Variants in TFB1M observed in about 807,000 individuals in gnomAD.
The protein encoded by TFB1M is dimethyladenosine transferase 1, mitochondrial.
In TFB1M, 27 loss-of-function variants were observed where a neutral mutation model predicts 31.1. The ratio of observed to expected loss-of-function variants is 0.87; its 90% CI spans 0.64 to 1.20. TFB1M has a LOEUF of 1.20. TFB1M is among the 50% of genes most tolerant of loss of function. TFB1M has a pLI of 0.00. For synonymous variants in TFB1M, 166 were observed against 151.8 expected, an observed-to-expected ratio of 1.09 and a Z score of -0.69; for missense variants, 394 against 418.7, an observed-to-expected ratio of 0.94 and a Z score of 0.51.
chr6:155,251,182 G>A (rs191532907), downstream of TFB1M, among the ~76,000 whole-genome samples: 18 of 152,304 alleles, frequency 1.2e-4, no homozygotes, highest in South Asian at 2.1e-4. Flanking sequence ...TTGAAACTCC[G>A]GCATCGCTCT....
At chr6:155,254,730 G>GA (rs1783892708), downstream of TFB1M, 2 of 937,138 alleles carry the variant, frequency 2.1e-6, no homozygotes, top group Non-Finnish European at 3.1e-6. Context: ...CTTGCTCCCA[G>GA]ACGTTCTACT....
At chr6:155,290,580 T>A (rs1776872086) in intron 4 of TFB1M, among the ~76,000 whole-genome samples, 1 of 151,976 alleles carries the variant, frequency 6.6e-6, no homozygotes, top group Admixed American at 6.6e-5. Flanking sequence ...TAAAATCAAC[T>A]TTTTTTGTTA....
intron 6 of TFB1M, among the ~76,000 whole-genome samples, chr6:155,259,119 T>C (rs762915891): frequency 6.6e-6 from 1 of 152,104 alleles, no homozygotes; most frequent in Non-Finnish European, 1.5e-5. Context: ...TAAAAGGACA[T>C]AGTTTTGTGC....
At chr6:155,314,057 T>C (rs990686537) in intron 1 of TFB1M, 5 of 1,400,284 alleles carry the variant, frequency 3.6e-6, no homozygotes, top group Admixed American at 5.7e-5. Flanking sequence ...TTGGCATTTA[T>C]GCAGCCTGCC....
intron 2 of TFB1M, among the ~76,000 whole-genome samples, chr6:155,299,244 T>C (rs1777321675): frequency 6.6e-6 from 1 of 152,320 alleles, no homozygotes; most frequent in South Asian, 2.1e-4. Context: ...GTACTAATCA[T>C]TTGCTTTCTT....
In TFB1M at chr6:155,258,004, C is replaced by T; in HGVS notation, c.873G>A (p.Arg291=). Residue 291 remains arginine (R), a synonymous_variant, in exon 7 of 7, where the codon CGG becomes CGA. Coordinates refer to ENST00000367166, the MANE Select transcript of TFB1M (RefSeq NM_016020.4). ...LELADIDPTL[R]PRQLSISHFK... is the part of the protein sequence containing the mutation. ...AGTGTGAGATGGAGAGCTGGCGGGGCCGAAGAGTAGGGTCTATGTCTGCCA... is the reference window on the plus strand; with the variant it reads ...AGTGTGAGATGGAGAGCTGGCGGGGTCGAAGAGTAGGGTCTATGTCTGCCA... 6.2e-7 allele frequency: 1 copy of T among 1,614,182 alleles called. No individual in the cohort carries two copies. The highest frequency in any genetic ancestry group is 2.2e-5 in the East Asian group (1 of 44,888).
the TFB1M span, among the ~76,000 whole-genome samples, chr6:155,235,042 G>T: frequency 6.6e-6 from 1 of 152,146 alleles, no homozygotes; most frequent in South Asian, 2.1e-4. Flanking sequence ...GCTAGAGAGG[G>T]GAACAGAGCT....
At chr6:155,252,102 G>A (rs186824137), downstream of TFB1M, 119 of 865,260 alleles carry the variant, frequency 1.4e-4, no homozygotes, top group African/African-American at 8.6e-4. Context: ...AGGCTGGGCT[G>A]ACTGATACTG....
intron 5 of TFB1M, chr6:155,261,031 G>C (rs1467784295): frequency 6.4e-6 from 1 of 156,368 alleles, no homozygotes; most frequent in Non-Finnish European, 1.4e-5. Context: ...GCTACTGCCA[G>C]CTGTGGAGAT....
chr6:155,241,073 G>T, the TFB1M span, among the ~76,000 whole-genome samples: 4 of 152,210 alleles, frequency 2.6e-5, no homozygotes, highest in Non-Finnish European at 5.9e-5. Flanking sequence ...CTGTACATAC[G>T]TGACGGCTGA....
intron 4 of TFB1M, among the ~76,000 whole-genome samples, chr6:155,292,110 G>A (rs1281122285): frequency 3.3e-5 from 5 of 152,166 alleles, no homozygotes; most frequent in Non-Finnish European, 5.9e-5. Flanking sequence ...GAGGACTGGA[G>A]GCCCTTCTCA....
chr6:155,308,997 C>T (rs1777904592), intron 2 of TFB1M, among the ~76,000 whole-genome samples: 1 of 152,094 alleles, frequency 6.6e-6, no homozygotes, highest in Non-Finnish European at 1.5e-5. Flanking sequence ...AAATTCCTTT[C>T]CTGCATATAA....
chr6:155,298,215 T>C (rs1310068189), intron 3 of TFB1M, among the ~76,000 whole-genome samples: 1 of 152,120 alleles, frequency 6.6e-6, no homozygotes, highest in African/African-American at 2.4e-5. Flanking sequence ...TTATATGGTA[T>C]CACAAAAAAT....
intron 5 of TFB1M, among the ~76,000 whole-genome samples, chr6:155,272,245 CTTTCGGTA>C (rs1784951941): frequency 6.6e-6 from 1 of 152,126 alleles, no homozygotes; most frequent in Non-Finnish European, 1.5e-5. Flanking sequence ...AAGAATAGGT[CTTTCGGTA>C]TTATTTAGTT....
chr6:155,259,868 A>G (rs117283295), intron 6 of TFB1M, among the ~76,000 whole-genome samples: 101 of 152,288 alleles, frequency 6.6e-4, no homozygotes, highest in Non-Finnish European at 4.1e-4. Flanking sequence ...GGACTTCGTG[A>G]TATGATTTTG....
Position 155,305,172 on chromosome 6 carries a change from TTA to T in TFB1M, c.285+6014_285+6015del, listed in dbSNP as rs1218416957. On this transcript the variant is annotated intron_variant, in intron 2 of 6. Transcript: ENST00000367166. ...TATAAATATATATTAAATTATATAT[TTA>T]TATATATATTAAATTATATATTTAT... 1.9e-3 allele frequency among the ~76,000 whole-genome samples: 176 copies of T among 91,570 alleles called. 4 individuals are homozygous for T. The highest frequency in any genetic ancestry group is 0.014 in the South Asian group (45 of 3,172). The allele number at this position is 91,570 out of a possible 152,430, so 60.1% of individuals were successfully genotyped here. A position where few individuals can be genotyped will look rare whatever the true frequency, so the allele number is the denominator to read the frequency against.
At chr6:155,281,421 G>A (rs187173403) in intron 5 of TFB1M, among the ~76,000 whole-genome samples, 59 of 152,278 alleles carry the variant, frequency 3.9e-4, no homozygotes, top group African/African-American at 1.3e-3. Context: ...AGTCAGAGTA[G>A]AGAATAGTGT....
intron 2 of TFB1M, among the ~76,000 whole-genome samples, chr6:155,302,275 G>A (rs1777463528): frequency 6.6e-6 from 1 of 152,154 alleles, no homozygotes; most frequent in African/African-American, 2.4e-5. Flanking sequence ...TTGCCACATA[G>A]TAGGGCCCAA....
At chr6:155,240,797 C>T in the TFB1M span, 2 of 1,366,008 alleles carry the variant, frequency 1.5e-6, no homozygotes, top group Middle Eastern at 2.2e-4. Flanking sequence ...CACCTCTGCC[C>T]AGGACACCTG....
Sources: gnomAD v4.1 joint callset for allele counts (sites outside exome capture counted in the v4.1 genomes callset) on GRCh38, gnomAD v4.1.1 for gene constraint, MANE v1.5 for transcripts, NCBI Gene and HGNC (gene_info 2026-07-23, HGNC 2026-07-21) for gene names.